The following CNGB1 variants were observed in gnomAD, a reference collection of about 807,000 sequenced individuals.
The protein encoded by CNGB1 is cyclic nucleotide gated channel subunit beta 1.
A neutral mutation model predicts 151.7 loss-of-function variants in CNGB1; 126 were observed. That is an observed-to-expected ratio of 0.83 (90% CI 0.72 to 0.96). The LOEUF (loss-of-function observed/expected upper bound fraction) is 0.96. CNGB1 is among the 40% of genes least tolerant of loss of function. CNGB1 has a pLI of 0.00. For synonymous variants in CNGB1, 623 were observed against 635.1 expected, an observed-to-expected ratio of 0.98 and a Z score of 0.29; for missense variants, 1,698 against 1,627.0, an observed-to-expected ratio of 1.04 and a Z score of -0.75.
rs556087207 is a variant in CNGB1, at chr16:57,964,075, G to T, written c.290+55C>A. ...CCCCATCCCCAGGGCTCCCTAGCTG[G>T]GAGGGTAGTTGGGAGGCGGGCTGGC... On this transcript the variant is annotated intron_variant, in intron 4 of 32. Transcript: ENST00000251102. The T allele has an allele frequency of 7.2e-5, 111 of 1,552,016 alleles. No homozygotes were observed. In the African/African-American group the frequency reaches 1.4e-3, roughly 20 times the overall value.
intron 16 of CNGB1, 47 bp from the exon 17 acceptor site, chr16:57,931,925 G>T: frequency 6.2e-7 from 1 of 1,606,000 alleles, no homozygotes; most frequent in South Asian, 1.1e-5. Flanking sequence ...GACAAAAGCT[G>T]GGTCCCAGGA....
intron 16 of CNGB1, among the ~76,000 whole-genome samples, chr16:57,935,023 G>A (rs1694290243): frequency 6.7e-6 from 1 of 149,052 alleles, no homozygotes; most frequent in Admixed American, 6.7e-5. Flanking sequence ...TCCAGCCTGG[G>A]CAACAGAGCA....
intron 16 of CNGB1, among the ~76,000 whole-genome samples, chr16:57,933,980 C>T (rs1212818954): frequency 6.6e-6 from 1 of 152,018 alleles, no homozygotes; most frequent in African/African-American, 2.4e-5. Context: ...GCCTTGGCCT[C>T]CCAAAGTGCT....
At chr16:57,935,099 T>C (rs1225914824) in intron 16 of CNGB1, among the ~76,000 whole-genome samples, 1 of 149,700 alleles carries the variant, frequency 6.7e-6, no homozygotes, top group African/African-American at 2.5e-5. Flanking sequence ...AGAGAGGAAG[T>C]CTCGGGTCGG....
At chr16:57,969,346 G>T (rs1962483878) in intron 1 of CNGB1, among the ~76,000 whole-genome samples, 1 of 152,120 alleles carries the variant, frequency 6.6e-6, no homozygotes, top group African/African-American at 2.4e-5. Context: ...TGGGCATGGT[G>T]TGGCTCACAC....
intron 18 of CNGB1, among the ~76,000 whole-genome samples, chr16:57,922,332 G>A (rs1253311342): frequency 6.6e-6 from 1 of 152,078 alleles, no homozygotes; most frequent in Non-Finnish European, 1.5e-5. Flanking sequence ...CCTTCGGGAA[G>A]AAACCTCCCA....
At chr16:57,940,161 T>G (rs970963362) in intron 15 of CNGB1, 73 bp downstream of exon 15, 32 of 1,416,346 alleles carry the variant, frequency 2.3e-5, no homozygotes, top group Non-Finnish European at 3.1e-5. Flanking sequence ...GTAAGCAAAG[T>G]GGACAAGGTC....
chr16:57,968,211 A>T (rs9924576), intron 1 of CNGB1, among the ~76,000 whole-genome samples: 238 of 152,270 alleles, frequency 1.6e-3, no homozygotes, highest in African/African-American at 5.3e-3. Context: ...AGTGTAACAT[A>T]CTCAGGCCAA....
At chr16:57,947,394 G>C (rs1217221548) in intron 14 of CNGB1, among the ~76,000 whole-genome samples, 1 of 152,212 alleles carries the variant, frequency 6.6e-6, no homozygotes, top group African/African-American at 2.4e-5. Context: ...ATAGAAAGCA[G>C]AGGGCAAACA....
intron 23 of CNGB1, 129 bp from the exon 24 acceptor site, chr16:57,913,123 A>G: frequency 2.5e-6 from 2 of 795,596 alleles, no homozygotes; most frequent in Non-Finnish European, 4.4e-6. Flanking sequence ...TGAGCATTCA[A>G]TATCAGAAGT....
At chr16:57,898,233 T>A (rs1181085644) in intron 29 of CNGB1, among the ~76,000 whole-genome samples, 2 of 152,084 alleles carry the variant, frequency 1.3e-5, no homozygotes, top group African/African-American at 2.4e-5. Flanking sequence ...TTCTGCAAAT[T>A]CCAGTTAGAC....
intron 31 of CNGB1, among the ~76,000 whole-genome samples, chr16:57,888,846 C>G (rs1960010395): frequency 6.6e-6 from 1 of 152,134 alleles, no homozygotes; most frequent in African/African-American, 2.4e-5. Flanking sequence ...GGAAAAGGAA[C>G]CAAAGCTCTT....
rs1307187568 is a variant in CNGB1 at position 57,917,441 on chromosome 16, T to C, written c.1993A>G (p.Met665Val). The change falls in exon 21 of 33, where the codon ATG becomes GTG. Residue 665 changes from methionine to valine, a missense_variant. Met to Val is a conservative substitution (Grantham distance 21). Transcript: ENST00000251102. ...AGCCAACAGTTCCAATTCCAGGCCA[T>C]CACCACGAAGAACAGCCATAGGACA... ...MYVLWLFFVVMAWNWNCWLIP... is the reference protein window; with the variant it reads ...MYVLWLFFVVVAWNWNCWLIP... The C allele has an allele frequency of 4.3e-6, 7 of 1,614,062 alleles. No homozygotes were observed. Among genetic ancestry groups the C allele is most frequent in the Non-Finnish European group, 5.9e-6 (7 of 1,179,996 alleles).
At position 57,940,262 on chromosome 16, in the gene CNGB1, C is replaced by A. The variant is rs1961631090; in HGVS notation, c.1181G>T (p.Gly394Val). ...ATCTGAAGTGCTCTGGGGCCGGGTC[C>A]CGTCTTCTTCACTCTGGCCCACGCC... ...QVGVGQSEED[G>V]TRPQSTSDQK... The change falls in exon 15 of 33, where the codon GGG (glycine) becomes GTG (valine). Residue 394 changes from glycine to valine, a missense_variant. Coordinates refer to ENST00000251102, the MANE Select transcript of CNGB1 (RefSeq NM_001297.5). 6.3e-7 allele frequency: 1 copy of A among 1,577,028 alleles called. No individual in the cohort carries two copies. Among genetic ancestry groups the A allele is most frequent in the Non-Finnish European group, 8.6e-7 (1 of 1,161,492 alleles).
chr16:57,917,623 TATATACACACACACAC>T (rs1960909854), intron 20 of CNGB1, 147 bp from the exon 21 acceptor site: 1 of 639,594 alleles, frequency 1.6e-6, no homozygotes, highest in East Asian at 2.8e-5. Flanking sequence ...TGTGTGTGTA[TATATACACACACACAC>T]ACACACACAC....
intron 14 of CNGB1, among the ~76,000 whole-genome samples, chr16:57,945,320 G>A (rs1241653944): frequency 3.3e-5 from 5 of 152,210 alleles, no homozygotes; most frequent in African/African-American, 1.2e-4. Context: ...TGACTTTCCT[G>A]AAATAGATAC....
At chr16:57,935,150 C>G (rs1184989560) in intron 16 of CNGB1, among the ~76,000 whole-genome samples, 1 of 152,048 alleles carries the variant, frequency 6.6e-6, no homozygotes, top group Non-Finnish European at 1.5e-5. Context: ...CAGCCTAATC[C>G]CACTTGTGGC....
At chr16:57,914,521 G>T (rs1960810673) in intron 23 of CNGB1, among the ~76,000 whole-genome samples, 1 of 152,180 alleles carries the variant, frequency 6.6e-6, no homozygotes, top group Non-Finnish European at 1.5e-5. Flanking sequence ...CCTCAGTACT[G>T]TTTTCAGAAA....
In CNGB1 at chr16:57,885,681, C is replaced by A. The variant is rs570048795; in HGVS notation, c.3463-1224G>T. Among the ~76,000 whole-genome samples, 5 of 151,984 alleles carry A rather than the reference C, an allele frequency of 3.3e-5. No individual in the cohort carries two copies. In the East Asian group the frequency reaches 9.7e-4, roughly 29 times the overall value. Reference sequence around the variant, plus strand: ...TGATCTCAGCTCACTGCAACCTCTGCCTCCCAGGTTCAAGCGATTCTTCTG... The same window carrying A: ...TGATCTCAGCTCACTGCAACCTCTGACTCCCAGGTTCAAGCGATTCTTCTG... On this transcript the variant is annotated intron_variant, in intron 32 of 32. Coordinates refer to ENST00000251102, the MANE Select transcript of CNGB1 (RefSeq NM_001297.5).
Sources: gnomAD v4.1 joint callset for allele counts (sites outside exome capture counted in the v4.1 genomes callset) on GRCh38, gnomAD v4.1.1 for gene constraint, MANE v1.5 for transcripts, NCBI Gene and HGNC (gene_info 2026-07-23, HGNC 2026-07-21) for gene names.